The following PSD3 variants were observed in gnomAD, a reference collection of about 807,000 sequenced individuals.
PSD3 encodes pleckstrin and Sec7 domain containing 3, also known as PH and SEC7 domain-containing protein 3.
In PSD3, 49 loss-of-function variants were observed where a neutral mutation model predicts 105.5. The observed-to-expected ratio is 0.46, with a 90% CI of 0.37 to 0.59. The LOEUF (loss-of-function observed/expected upper bound fraction) is 0.59. Ranked by LOEUF, PSD3 falls within the 20% of genes least tolerant of loss-of-function variation. PSD3 has a pLI of 0.00. For missense variants in PSD3, 1,561 were observed against 1,263.8 expected, an observed-to-expected ratio of 1.24 and a Z score of -3.57; for synonymous variants, 557 against 457.8, an observed-to-expected ratio of 1.22 and a Z score of -2.77.
At chr8:18,833,625 T>C (rs2129450636) in intron 4 of PSD3, among the ~76,000 whole-genome samples, 1 of 152,316 alleles carries the variant, frequency 6.6e-6, no homozygotes, top group Admixed American at 6.5e-5. Context: ...GTATTTGCTG[T>C]GTAAGTTACC....
chr8:18,806,739 C>T (rs542353801), intron 4 of PSD3, among the ~76,000 whole-genome samples: 14 of 152,320 alleles, frequency 9.2e-5, no homozygotes, highest in Non-Finnish European at 1.9e-4. Context: ...AGTTTATCTG[C>T]CCTTGCTCTA....
intron 1 of PSD3, among the ~76,000 whole-genome samples, chr8:19,008,062 C>CG (rs61559498): frequency 0.97 from 147,784 of 152,180 alleles, 71,889 homozygotes; most frequent in Middle Eastern, 1. Flanking sequence ...AGGCTGGTCT[C>CG]AACTCCGCTG....
At chr8:18,679,026 A>AC (rs373192566) in intron 9 of PSD3, among the ~76,000 whole-genome samples, 2 of 98,150 alleles carry the variant, frequency 2.0e-5, no homozygotes, top group Admixed American at 1.9e-4. Flanking sequence ...AAAAATATGT[A>AC]AAGACATTTG....
chr8:18,544,834 A>G (rs906014940), intron 15 of PSD3, among the ~76,000 whole-genome samples: 3 of 152,088 alleles, frequency 2.0e-5, no homozygotes, highest in Non-Finnish European at 2.9e-5. Context: ...ACTCAGCTCT[A>G]TCTTACTCTT....
intron 8 of PSD3, among the ~76,000 whole-genome samples, chr8:18,791,289 G>C (rs1192687129): frequency 2.6e-5 from 4 of 151,984 alleles, no homozygotes; most frequent in Non-Finnish European, 5.9e-5. Flanking sequence ...TAGGCAAAAA[G>C]AGGCAAGCTG....
rs1563333251 is a variant in PSD3, at chr8:18,570,944, C to G, written c.2784+1584G>C. Among the ~76,000 whole-genome samples, 9 of 151,888 alleles carry G rather than the reference C, an allele frequency of 5.9e-5. No homozygotes were observed. The South Asian group carries it at 1.9e-3, about 32-fold the overall frequency. ...GCATGATCTCGGCTCACTGCAACCT[C>G]AGCCTCCTGGGTTCAACCAGTTCTC... On this transcript the variant is annotated intron_variant, in intron 14 of 15. Coordinates refer to ENST00000327040, the MANE Select transcript of PSD3 (RefSeq NM_015310.4).
chr8:18,664,336 G>C (rs1261595228), intron 9 of PSD3, among the ~76,000 whole-genome samples: 2 of 152,204 alleles, frequency 1.3e-5, no homozygotes, highest in Non-Finnish European at 2.9e-5. Flanking sequence ...GAGTGAAACA[G>C]CTTTATTGCT....
intron 9 of PSD3, among the ~76,000 whole-genome samples, chr8:18,687,016 C>T (rs1329271626): frequency 6.6e-6 from 1 of 152,192 alleles, no homozygotes; most frequent in African/African-American, 2.4e-5. Flanking sequence ...GACTTCAGGG[C>T]ACTCATAGCT....
At position 18,630,309 on chromosome 8, in the gene PSD3, G is replaced by C. The variant is rs145493571; in HGVS notation, c.2410+2304C>G. Among the ~76,000 whole-genome samples the C allele has an allele frequency of 1.8e-3, 267 of 152,016 alleles. 1 individual carries two copies. The highest frequency in any genetic ancestry group is 3.4e-3 in the Middle Eastern group (1 of 294). On this transcript the variant is annotated intron_variant, in intron 11 of 15. Coordinates refer to ENST00000327040, the MANE Select transcript of PSD3 (RefSeq NM_015310.4). ...AGAAAAACTTCTAGCCTGGTACAAG[G>C]TGTCTGTGATGTCTCAACTGCTAAG...
Position 18,922,374 on chromosome 8 carries a change from A to G in PSD3, c.130+13660T>C, listed in dbSNP as rs145904495. ...AGCACATGAAAAAAGTTTGACCTCAATTACATCTGGTGCAGCAAGTCTGTG... is the reference window on the plus strand; with the variant it reads ...AGCACATGAAAAAAGTTTGACCTCAGTTACATCTGGTGCAGCAAGTCTGTG... On this transcript the variant is annotated intron_variant, in intron 2 of 15. Coordinates refer to ENST00000327040, the MANE Select transcript of PSD3 (RefSeq NM_015310.4). Among the ~76,000 whole-genome samples the G allele has an allele frequency of 3.2e-3, 482 of 152,300 alleles. 4 individuals carry two copies. The highest frequency in any genetic ancestry group is 0.011 in the African/African-American group (447 of 41,556).
At chr8:18,571,269 C>G (rs543833578) in intron 14 of PSD3, among the ~76,000 whole-genome samples, 12 of 152,284 alleles carry the variant, frequency 7.9e-5, no homozygotes, top group Admixed American at 4.6e-4. Context: ...TGCAGAGGTA[C>G]ATTTCTTGCT....
rs557589644 is a variant in PSD3, at chr8:18,835,839, T to C, written c.1635-30941A>G. ...ACTGAAGCAGAGTGAGCAACAAGAG[T>C]GGGAGGAGATGAGGCCACAGAGCGG... On this transcript the variant is annotated intron_variant, in intron 4 of 15. Coordinates refer to ENST00000327040, the MANE Select transcript of PSD3 (RefSeq NM_015310.4). Among the ~76,000 whole-genome samples the C allele has an allele frequency of 4.0e-5, 6 of 151,088 alleles. No homozygotes were observed. The South Asian group carries it at 6.3e-4, about 16-fold the overall frequency.
At chr8:18,656,037 C>G (rs1808867696) in intron 9 of PSD3, among the ~76,000 whole-genome samples, 1 of 152,084 alleles carries the variant, frequency 6.6e-6, no homozygotes, top group South Asian at 2.1e-4. Flanking sequence ...CTCAGTTGGA[C>G]AGTGGAGTAC....
intron 12 of PSD3, among the ~76,000 whole-genome samples, chr8:18,589,885 G>A (rs17126891): frequency 0.01 from 1,534 of 152,324 alleles, 10 homozygotes; most frequent in Middle Eastern, 0.02. Flanking sequence ...TGTTCTTTGC[G>A]TCTGAGGTGA....
intron 6 of PSD3, among the ~76,000 whole-genome samples, chr8:18,801,991 T>A (rs1444362712): frequency 2.6e-5 from 4 of 152,108 alleles, no homozygotes; most frequent in Non-Finnish European, 5.9e-5. Flanking sequence ...CGCTTAAGAC[T>A]CAATACATCA....
intron 6 of PSD3, among the ~76,000 whole-genome samples, chr8:18,803,801 GT>G (rs1810951438): frequency 6.6e-6 from 1 of 151,712 alleles, no homozygotes; most frequent in Non-Finnish European, 1.5e-5. Context: ...AAAAGTCATT[GT>G]TTAACGAGTA....
chr8:18,818,377 C>T (rs1490811532), intron 4 of PSD3, among the ~76,000 whole-genome samples: 1 of 151,402 alleles, frequency 6.6e-6, no homozygotes, highest in African/African-American at 2.4e-5. Context: ...GGGAGCTATA[C>T]ATGATCTTAC....
chr8:18,851,864 A>C (rs997826770), intron 4 of PSD3, among the ~76,000 whole-genome samples: 8 of 152,240 alleles, frequency 5.3e-5, no homozygotes, highest in Non-Finnish European at 1.0e-4. Flanking sequence ...GAGTGGGACC[A>C]ATGGAACTTT....
chr8:18,917,913 G>A (rs565927004), intron 2 of PSD3, among the ~76,000 whole-genome samples: 7 of 152,270 alleles, frequency 4.6e-5, no homozygotes, highest in Admixed American at 2.0e-4. Flanking sequence ...GTGTGTGGGT[G>A]TGGGCAGGTG....
Sources: gnomAD v4.1 joint callset for allele counts (sites outside exome capture counted in the v4.1 genomes callset) on GRCh38, gnomAD v4.1.1 for gene constraint, MANE v1.5 for transcripts, NCBI Gene and HGNC (gene_info 2026-07-23, HGNC 2026-07-21) for gene names.